The following RTTN variants were observed in gnomAD, a reference collection of about 807,000 sequenced individuals.
RTTN encodes rotatin.
In RTTN, 182 loss-of-function variants were observed where a neutral mutation model predicts 269.2. The ratio of observed to expected loss-of-function variants is 0.68; its 90% CI spans 0.60 to 0.76. The LOEUF is 0.76. Among genes scored for constraint, RTTN ranks in the 30% least tolerant of loss-of-function variants. The probability of loss-of-function intolerance (pLI) is 0.00; values close to 1 mark genes in which losing one functional copy is unlikely to be tolerated. For synonymous variants in RTTN, 1,006 were observed against 963.5 expected, an observed-to-expected ratio of 1.04 and a Z score of -0.82; for missense variants, 2,545 against 2,608.6, an observed-to-expected ratio of 0.98 and a Z score of 0.53.
chr18:70,125,237 GT>G (rs1182468631), intron 25 of RTTN, among the ~76,000 whole-genome samples: 1 of 151,934 alleles, frequency 6.6e-6, no homozygotes, highest in East Asian at 1.9e-4. Context: ...ATGGTTTAGG[GT>G]GGTGTTCATT....
At chr18:70,179,773 C>T (rs2061380034) in intron 10 of RTTN, among the ~76,000 whole-genome samples, 1 of 152,176 alleles carries the variant, frequency 6.6e-6, no homozygotes, top group Admixed American at 6.5e-5. Context: ...CTACAAGGCA[C>T]CTGGAGTAAG....
At chr18:70,156,481 C>A (rs1033382468) in intron 14 of RTTN, among the ~76,000 whole-genome samples, 10 of 152,172 alleles carry the variant, frequency 6.6e-5, no homozygotes, top group Non-Finnish European at 1.5e-4. Context: ...ATTTTGCCTG[C>A]GGTCCTGCGG....
intron 2 of RTTN, 91 bp downstream of exon 2, chr18:70,205,037 C>G: frequency 7.6e-7 from 1 of 1,323,302 alleles, no homozygotes; most frequent in Non-Finnish European, 1.0e-6. Flanking sequence ...CTTTTAACCC[C>G]AATTATTTAA....
intron 44 of RTTN, 88 bp from the exon 45 acceptor site, chr18:70,020,905 C>A: frequency 9.2e-7 from 1 of 1,088,560 alleles, no homozygotes; most frequent in Non-Finnish European, 1.3e-6. Context: ...ATCTGTCTAA[C>A]AAAATGACTA....
At chr18:70,055,417 G>C (rs1001741280) in intron 37 of RTTN, among the ~76,000 whole-genome samples, 2 of 152,212 alleles carry the variant, frequency 1.3e-5, no homozygotes. Context: ...TGGAGTATGT[G>C]TCTCTGAGGT....
intron 18 of RTTN, among the ~76,000 whole-genome samples, chr18:70,143,285 C>T (rs1435638678): frequency 6.6e-6 from 1 of 152,014 alleles, no homozygotes; most frequent in Non-Finnish European, 1.5e-5. Flanking sequence ...ACCATAAAGA[C>T]ACATGCATGT....
In RTTN at chr18:70,021,050, A is replaced by T. The variant is rs1285245735; in HGVS notation, c.5951-233T>A. On this transcript the variant is annotated intron_variant, in intron 44 of 48. Transcript: ENST00000640769. ...ACTTTAAGACACCAGGTTTATTTTT[A>T]AAAAAAGAATAAAATAAACATACTA... 12 of 395,444 alleles carry T rather than the reference A, an allele frequency of 3.0e-5. No homozygotes were observed. In the South Asian group the frequency reaches 7.1e-4, roughly 23 times the overall value. The allele number at this position is 395,444 out of a possible 1,614,324, so 24.5% of individuals were successfully genotyped here. A position where few individuals can be genotyped will look rare whatever the true frequency, so the allele number is the denominator to read the frequency against.
intron 46 of RTTN, among the ~76,000 whole-genome samples, chr18:70,015,948 G>T (rs2056525371): frequency 6.6e-6 from 1 of 152,128 alleles, no homozygotes; most frequent in African/African-American, 2.4e-5. Flanking sequence ...GCCCTGAGGA[G>T]GGATTATCAT....
At chr18:70,043,518 CA>C (rs1243041013) in intron 40 of RTTN, among the ~76,000 whole-genome samples, 3 of 151,536 alleles carry the variant, frequency 2.0e-5, no homozygotes, top group African/African-American at 4.8e-5. Flanking sequence ...ATAATCAAGA[CA>C]AAAAAATATA....
intron 45 of RTTN, among the ~76,000 whole-genome samples, chr18:70,018,223 C>T (rs1365852744): frequency 2.0e-5 from 3 of 152,144 alleles, no homozygotes; most frequent in Admixed American, 2.0e-4. Context: ...GGCTACACGT[C>T]ATTCTATTAT....
At chr18:70,019,113 C>T (rs1014392145) in intron 45 of RTTN, among the ~76,000 whole-genome samples, 13 of 152,120 alleles carry the variant, frequency 8.5e-5, no homozygotes, top group African/African-American at 3.1e-4. Flanking sequence ...CTTGATTAAT[C>T]CGTCCCTGGA....
chr18:70,052,651 T>TATATATATATAC (rs774350229), intron 38 of RTTN, among the ~76,000 whole-genome samples: 1,567 of 149,152 alleles, frequency 0.011, 12 homozygotes, highest in Non-Finnish European at 0.018. Flanking sequence ...CTTATATATA[T>TATATATATATAC]ATATCATCAC....
intron 46 of RTTN, chr18:70,008,369 T>C (rs1473390681): frequency 1.3e-5 from 2 of 151,978 alleles, no homozygotes; most frequent in Admixed American, 1.3e-4. Context: ...TCACAACTCC[T>C]CACCAGCAAG....
At chr18:70,072,222 G>A (rs369289943) in intron 34 of RTTN, among the ~76,000 whole-genome samples, 5 of 151,938 alleles carry the variant, frequency 3.3e-5, no homozygotes, top group African/African-American at 9.6e-5. Flanking sequence ...GAAACCTCCC[G>A]AAAAAGAAAG....
chr18:70,101,058 C>G (rs529778422), intron 28 of RTTN, among the ~76,000 whole-genome samples: 17 of 152,156 alleles, frequency 1.1e-4, no homozygotes, highest in Non-Finnish European at 2.1e-4. Context: ...GTCTCTCTGC[C>G]AGGCTTTGGT....
At chr18:70,089,962 CA>C (rs973378891) in intron 30 of RTTN, among the ~76,000 whole-genome samples, 3 of 151,752 alleles carry the variant, frequency 2.0e-5, no homozygotes, top group African/African-American at 7.2e-5. Flanking sequence ...CCTATCTGTG[CA>C]AAAAAAATGA....
intron 40 of RTTN, among the ~76,000 whole-genome samples, chr18:70,045,103 C>T (rs1420188297): frequency 2.6e-5 from 4 of 152,060 alleles, no homozygotes; most frequent in Non-Finnish European, 5.9e-5. Context: ...TCAAAATGGA[C>T]TTAGAAAAAA....
At chr18:70,068,408 T>C (rs1312960635) in intron 34 of RTTN, among the ~76,000 whole-genome samples, 1 of 152,138 alleles carries the variant, frequency 6.6e-6, no homozygotes, top group Admixed American at 6.5e-5. Flanking sequence ...GGATTCTCAG[T>C]CCAGAACTGC....
intron 35 of RTTN, among the ~76,000 whole-genome samples, chr18:70,060,879 A>G (rs1265313385): frequency 6.6e-6 from 1 of 150,782 alleles, no homozygotes; most frequent in African/African-American, 2.4e-5. Flanking sequence ...GGCTTATTTC[A>G]TTTAACACAA....
Sources: gnomAD v4.1 joint callset for allele counts (sites outside exome capture counted in the v4.1 genomes callset) on GRCh38, gnomAD v4.1.1 for gene constraint, MANE v1.5 for transcripts, NCBI Gene and HGNC (gene_info 2026-07-23, HGNC 2026-07-21) for gene names.